Variants in DENND2A observed in about 807,000 individuals in gnomAD.
DENND2A encodes DENN domain containing 2A.
A neutral mutation model predicts 105.3 loss-of-function variants in DENND2A; 53 were observed. That is an observed-to-expected ratio of 0.50 (90% CI 0.40 to 0.63). The LOEUF (loss-of-function observed/expected upper bound fraction) is 0.63. DENND2A is among the 30% of genes least tolerant of loss of function. DENND2A has a pLI of 0.00. For synonymous variants in DENND2A, 522 were observed against 508.4 expected (o/e 1.03, Z -0.36); for missense variants, 1,138 against 1,279.6 (o/e 0.89, Z 1.69).
intron 14 of DENND2A, among the ~76,000 whole-genome samples, chr7:140,541,211 G>T (rs753628127): frequency 6.6e-6 from 1 of 152,062 alleles, no homozygotes; most frequent in East Asian, 1.9e-4. Flanking sequence ...TCACCAGTGA[G>T]ACTGGTGTCT....
At chr7:140,634,403 T>C (rs1256150006) in intron 1 of DENND2A, among the ~76,000 whole-genome samples, 2 of 152,192 alleles carry the variant, frequency 1.3e-5, no homozygotes, top group Non-Finnish European at 2.9e-5. Flanking sequence ...TAATAAGATA[T>C]AGTACCTCTC....
chr7:140,585,599 G>A lies in DENND2A; in HGVS notation c.1235C>T (p.Thr412Ile), dbSNP rs751214812. 6 of 1,614,204 alleles carry A rather than the reference G, an allele frequency of 3.7e-6. No homozygotes were observed. The South Asian group carries it at 6.6e-5, about 18-fold the overall frequency. Reference protein sequence around the residue: ...PASPTSSIPDTLTKQSLSKPA... With the variant: ...PASPTSSIPDILTKQSLSKPA... ...CCAGGGGACTCATACCTTGGTGAGT[G>A]TGTCAGGGATGGAAGAGGTGGGAGA... is the stretch of plus-strand genomic sequence containing the variant. Residue 412 changes from threonine to isoleucine, a missense_variant, in exon 5 of 20, where the codon ACA (threonine) becomes ATA (isoleucine). Coordinates refer to ENST00000496613, the MANE Select transcript of DENND2A (RefSeq NM_015689.5).
chr7:140,637,309 G>A (rs1395787559), intron 1 of DENND2A, among the ~76,000 whole-genome samples: 3 of 152,228 alleles, frequency 2.0e-5, no homozygotes, highest in Non-Finnish European at 2.9e-5. Flanking sequence ...CCTACTGAAT[G>A]TCAATTTACG....
At chr7:140,620,513 C>A (rs79484224) in intron 1 of DENND2A, among the ~76,000 whole-genome samples, 7,296 of 152,158 alleles carry the variant, frequency 0.048, 235 homozygotes, top group Non-Finnish European at 0.073. Context: ...ACCACCCCCC[C>A]ACCAGATTTC....
chr7:140,604,306 T>A (rs1799618300), intron 2 of DENND2A, among the ~76,000 whole-genome samples: 1 of 152,282 alleles, frequency 6.6e-6, no homozygotes, highest in African/African-American at 2.4e-5. Context: ...GCCACTGTTC[T>A]TGGTTGCATG....
chr7:140,611,903 A>C (rs1799912005), intron 1 of DENND2A, among the ~76,000 whole-genome samples: 1 of 152,194 alleles, frequency 6.6e-6, no homozygotes, highest in Non-Finnish European at 1.5e-5. Context: ...ATAGTTGCAC[A>C]ATGCGGTGAA....
At position 140,573,858 on chromosome 7, in the gene DENND2A, A is replaced by G. The variant is rs1798193363; in HGVS notation, c.1396T>C (p.Phe466Leu). The G allele has an allele frequency of 6.2e-7, 1 of 1,614,082 alleles. No homozygotes were observed. The highest frequency in any genetic ancestry group is 8.5e-7 in the Non-Finnish European group (1 of 1,180,002). ...STPSSPDDIFFNLGDPQNGRK... is the reference protein window; with the variant it reads ...STPSSPDDIFLNLGDPQNGRK... ...CCGTTCTGTGGGTCTCCAAGGTTAAAGAAAATGTCATCAGGGCTGCTGGGA... is the reference window on the plus strand; with the variant it reads ...CCGTTCTGTGGGTCTCCAAGGTTAAGGAAAATGTCATCAGGGCTGCTGGGA... Residue 466 changes from phenylalanine to leucine, a missense_variant, in exon 6 of 20, where the codon TTT (phenylalanine) becomes CTT (leucine). Transcript: ENST00000496613.
chr7:140,567,145 G>A lies in DENND2A; in HGVS notation c.1720C>T (p.His574Tyr). ...TAGGCAGCCCCGGCCTGCTTCTTGT[G>A]CAAAGACACAACCACAAAGTACTCG... ...LFEYFVVVSL[H>Y]KKQAGAAYVP... Residue 574 changes from histidine (H) to tyrosine (Y), a missense_variant, in exon 9 of 20, where the codon CAC (histidine) becomes TAC (tyrosine). Physicochemically the swap from His to Tyr is moderately conservative, Grantham distance 83. Coordinates refer to ENST00000496613, the MANE Select transcript of DENND2A (RefSeq NM_015689.5). 1 of 1,612,284 alleles carries A rather than the reference G, an allele frequency of 6.2e-7. No homozygotes were observed. Among genetic ancestry groups the A allele is most frequent in the Non-Finnish European group, 8.5e-7 (1 of 1,179,322 alleles).
At chr7:140,627,821 C>T (rs1800591706) in intron 1 of DENND2A, among the ~76,000 whole-genome samples, 2 of 152,134 alleles carry the variant, frequency 1.3e-5, no homozygotes, top group East Asian at 1.9e-4. Context: ...GCCACCATGC[C>T]CAGCATACAT....
At chr7:140,545,570 C>T (rs994024011) in intron 13 of DENND2A, among the ~76,000 whole-genome samples, 8 of 152,110 alleles carry the variant, frequency 5.3e-5, no homozygotes, top group African/African-American at 7.2e-5. Flanking sequence ...AGGCTGGTCT[C>T]GAACTCCTGA....
chr7:140,609,337 AC>A (rs563660218), intron 1 of DENND2A, among the ~76,000 whole-genome samples: 276 of 152,166 alleles, frequency 1.8e-3, no homozygotes, highest in Admixed American at 3.7e-3. Context: ...ACATGGGGAA[AC>A]CCTGTCTCTA....
intron 6 of DENND2A, among the ~76,000 whole-genome samples, chr7:140,572,148 A>G (rs1209135890): frequency 6.6e-6 from 1 of 151,962 alleles, no homozygotes; most frequent in African/African-American, 2.4e-5. Context: ...TGGGACTACA[A>G]GTGCACACCA....
Position 140,523,170 on chromosome 7 carries a change from A to T in DENND2A, c.2665+137T>A. The T allele has an allele frequency of 1.3e-6, 1 of 779,374 alleles. No individual in the cohort carries two copies. The highest frequency in any genetic ancestry group is 2.2e-6 in the Non-Finnish European group (1 of 464,934). 48.3% of individuals were successfully genotyped at this position (779,374 alleles called of 1,614,324 possible). A position where few individuals can be genotyped will look rare whatever the true frequency, so the allele number is the denominator to read the frequency against. ...TTCACTGTGGGAATGAAATCCAGAT[A>T]AACAGAATGAGGCCCTGGTTTCTCT... is the stretch of plus-strand genomic sequence containing the variant. On this transcript the variant is annotated intron_variant, in intron 17 of 19. Transcript: ENST00000496613. This position sits in a 1 kb window ranked among gnomAD's most constrained non-coding sequence, Gnocchi z 4.5.
chr7:140,573,643 G>A (rs1798183397), intron 6 of DENND2A, among the ~76,000 whole-genome samples, 165 bp downstream of exon 6: 1 of 152,194 alleles, frequency 6.6e-6, no homozygotes, highest in Non-Finnish European at 1.5e-5. Flanking sequence ...TCAGGACGAA[G>A]GTCCGGATAT....
At chr7:140,594,577 G>C (rs1486410419) in intron 3 of DENND2A, among the ~76,000 whole-genome samples, 1 of 152,128 alleles carries the variant, frequency 6.6e-6, no homozygotes, top group Non-Finnish European at 1.5e-5. Flanking sequence ...TTATGATCAC[G>C]ACACCAGCTG....
intron 12 of DENND2A, 120 bp from the exon 13 acceptor site, chr7:140,547,059 C>T (rs1043066795): frequency 1.5e-6 from 2 of 1,317,026 alleles, no homozygotes; most frequent in Non-Finnish European, 2.1e-6. Flanking sequence ...CCCTGCTTTC[C>T]CCATGAGGCC....
chr7:140,548,851 G>C (rs1430660292), intron 12 of DENND2A, among the ~76,000 whole-genome samples: 1 of 151,728 alleles, frequency 6.6e-6, no homozygotes, highest in East Asian at 2.0e-4. Context: ...GACCTCAGGT[G>C]ATCCACCCAC....
intron 5 of DENND2A, among the ~76,000 whole-genome samples, chr7:140,580,293 G>A (rs1585680492): frequency 6.7e-6 from 1 of 150,250 alleles, no homozygotes; most frequent in Admixed American, 6.7e-5. Context: ...AGAAAGGCAT[G>A]TATGTATGCA....
chr7:140,629,697 C>T (rs1235580770), intron 1 of DENND2A, among the ~76,000 whole-genome samples: 1 of 152,016 alleles, frequency 6.6e-6, no homozygotes, highest in Admixed American at 6.6e-5. Context: ...TAAAGAACAA[C>T]TCAGAGGTCC....
Sources: gnomAD v4.1 joint callset for allele counts (sites outside exome capture counted in the v4.1 genomes callset) on GRCh38, gnomAD v4.1.1 for gene constraint, Gnocchi (gnomAD v3.1) non-coding constraint, MANE v1.5 for transcripts, NCBI Gene and HGNC (gene_info 2026-07-23, HGNC 2026-07-21) for gene names.